Variants in MPP3 observed in about 807,000 individuals in gnomAD.
MPP3 encodes MAGUK p55 scaffold protein 3.
In MPP3, 48 loss-of-function variants were observed where a neutral mutation model predicts 80.7. The observed-to-expected ratio is 0.59, with a 90% confidence interval of 0.47 to 0.76. The LOEUF is 0.76. MPP3 is among the 30% of genes least tolerant of loss of function. The probability of loss-of-function intolerance (pLI) is 0.00; values close to 1 mark genes in which losing one functional copy is unlikely to be tolerated. For missense variants in MPP3, 620 were observed against 763.0 expected (o/e 0.81, Z 2.21); for synonymous variants, 311 against 297.6 (o/e 1.04, Z -0.46).
chr17:43,829,867 T>A lies in MPP3; in HGVS notation c.304-76A>T, dbSNP rs962797975. 76 of 1,603,122 alleles carry A rather than the reference T, an allele frequency of 4.7e-5. 1 individual carries two copies. The Middle Eastern group carries it at 6.6e-4, about 14-fold the overall frequency. ...AGCAGGCCGCAGCTGGCCGGTGGTA[T>A]GGAGGGTGGCAGACGCCATGCCAGA... On this transcript the variant is annotated intron_variant, in intron 6 of 19. Coordinates refer to ENST00000398389, the MANE Select transcript of MPP3 (RefSeq NM_001932.6).
intron 11 of MPP3, 38 bp from the exon 12 acceptor site, chr17:43,818,148 G>A (rs1349282262): frequency 1.4e-6 from 2 of 1,445,268 alleles, no homozygotes; most frequent in Non-Finnish European, 1.8e-6. Context: ...CCCGTGAGCT[G>A]GGCCAGATAA....
chr17:43,806,671 G>A (rs1384890519), intron 19 of MPP3, among the ~76,000 whole-genome samples: 9 of 151,618 alleles, frequency 5.9e-5, no homozygotes, highest in East Asian at 2.0e-4. Context: ...GTGCGATGGC[G>A]CAATCTCGGC....
Position 43,811,195 on chromosome 17 carries a change from C to G in MPP3, c.1266G>C (p.Arg422Ser). 6.2e-7 allele frequency: 1 copy of G among 1,613,738 alleles called. No individual in the cohort carries two copies. The highest frequency in any genetic ancestry group is 8.5e-7 in the Non-Finnish European group (1 of 1,179,688). The change falls in exon 17 of 20, where the codon AGG (arginine) becomes AGC (serine). Residue 422 changes from arginine to serine, a missense_variant. Physicochemically the swap from Arg to Ser is moderately radical, Grantham distance 110. Coordinates refer to ENST00000398389, the MANE Select transcript of MPP3 (RefSeq NM_001932.6). ...HFGVAVPHTT[R>S]PRKSHEKEGV... is the part of the protein sequence containing the mutation. ...CTTCCTTCTCATGGCTCTTTCGGGGCCTGGTGGTATCTTTTAAAGAAAGAA... is the reference window on the plus strand; with the variant it reads ...CTTCCTTCTCATGGCTCTTTCGGGGGCTGGTGGTATCTTTTAAAGAAAGAA...
chr17:43,825,767 T>C lies in MPP3; in HGVS notation c.598A>G (p.Ser200Gly). 6.2e-7 allele frequency: 1 copy of C among 1,611,298 alleles called. No individual in the cohort carries two copies. Among genetic ancestry groups the C allele is most frequent in the Non-Finnish European group, 8.5e-7 (1 of 1,177,360 alleles). Residue 200 changes from serine (S) to glycine (G), a missense_variant, in exon 9 of 20, where the codon AGC becomes GGC. Transcript: ENST00000398389. ...CTTGTAGCACGGACCAGAATCTGGC[T>C]GATCTCGTCGGGCCGCTTGTGCAGG... ...AVLHKRPDEI[S>G]QILAQSQGSI...
chr17:43,818,024 C>T, intron 12 of MPP3, 22 bp downstream of exon 12: 1 of 1,565,676 alleles, frequency 6.4e-7, no homozygotes, highest in Admixed American at 1.9e-5. Context: ...CCCTGGAGTG[C>T]CATCCCTGAC....
chr17:43,820,735 T>G (rs2045410528), intron 11 of MPP3, 127 bp downstream of exon 11: 3 of 779,796 alleles, frequency 3.8e-6, no homozygotes, highest in Admixed American at 2.8e-5. Context: ...GTGCAACTGG[T>G]ACTTACCTTG....
intron 18 of MPP3, among the ~76,000 whole-genome samples, chr17:43,810,136 T>C (rs1030286394): frequency 2.0e-5 from 3 of 152,132 alleles, no homozygotes; most frequent in Non-Finnish European, 4.4e-5. Flanking sequence ...CAAGCAAACT[T>C]CTTTAAAATA....
intron 11 of MPP3, among the ~76,000 whole-genome samples, chr17:43,820,590 CAA>C (rs58538101): frequency 0.096 from 9,336 of 97,686 alleles, 355 homozygotes; most frequent in Non-Finnish European, 0.14. Context: ...GACTCTGTCT[CAA>C]AAAAAAAAAA....
At chr17:43,820,071 G>A (rs937451358) in intron 11 of MPP3, among the ~76,000 whole-genome samples, 24 of 151,964 alleles carry the variant, frequency 1.6e-4, no homozygotes, top group Non-Finnish European at 8.8e-5. Flanking sequence ...CCAGCCTCCC[G>A]AGTAGCTGGG....
chr17:43,821,030 T>C lies in MPP3; in HGVS notation c.713A>G (p.Asn238Ser), dbSNP rs1187451519. Residue 238 changes from asparagine to serine, a missense_variant, in exon 11 of 20, where the codon AAC becomes AGC. Transcript: ENST00000398389. Reference sequence around the variant, plus strand: ...AGGGATGGCCCGGTCCTCCCGAGGGTTGTAGTGGAAGAGGGCGCGCATGAA... The same window carrying C: ...AGGGATGGCCCGGTCCTCCCGAGGGCTGTAGTGGAAGAGGGCGCGCATGAA... ...KVFMRALFHY[N>S]PREDRAIPCQ... The C allele has an allele frequency of 1.9e-6, 3 of 1,613,836 alleles. No individual in the cohort carries two copies. Among genetic ancestry groups the C allele is most frequent in the Non-Finnish European group, 2.5e-6 (3 of 1,179,882 alleles).
At chr17:43,831,502 C>G in intron 4 of MPP3, 57 bp downstream of exon 4, 1 of 1,432,516 alleles carries the variant, frequency 7.0e-7, no homozygotes, top group Non-Finnish European at 9.8e-7. Flanking sequence ...CAGACGGCCA[C>G]AGACAGCTAG....
chr17:43,824,649 C>G (rs1425583953), intron 9 of MPP3, among the ~76,000 whole-genome samples: 1 of 152,194 alleles, frequency 6.6e-6, no homozygotes, highest in Non-Finnish European at 1.5e-5. Flanking sequence ...ACCCAGAAAG[C>G]CCAGACCCTT....
intron 19 of MPP3, among the ~76,000 whole-genome samples, chr17:43,804,801 A>G (rs539159191): frequency 2.0e-5 from 3 of 152,366 alleles, no homozygotes; most frequent in African/African-American, 7.2e-5. Flanking sequence ...TGGATCACCC[A>G]GGTCAGGAGT....
chr17:43,818,232 C>G (rs1245523936), intron 11 of MPP3, 122 bp from the exon 12 acceptor site: 10 of 715,094 alleles, frequency 1.4e-5, no homozygotes, highest in South Asian at 2.7e-5. Context: ...ACACTGGACA[C>G]TCTGAGGGCC....
At chr17:43,818,488 T>C (rs866236294) in intron 11 of MPP3, among the ~76,000 whole-genome samples, 100 of 152,274 alleles carry the variant, frequency 6.6e-4, no homozygotes, top group African/African-American at 2.4e-3. Context: ...AATAGCAGAA[T>C]GACTCCCAGG....
chr17:43,809,156 C>T (rs960780034), intron 18 of MPP3, 78 bp from the exon 19 acceptor site: 17 of 1,437,660 alleles, frequency 1.2e-5, no homozygotes, highest in Non-Finnish European at 1.5e-5. Context: ...GCTCAATAAT[C>T]GTGTGCTTCA....
intron 13 of MPP3, 34 bp from the exon 14 acceptor site, chr17:43,816,113 G>A: frequency 6.6e-7 from 1 of 1,503,808 alleles, no homozygotes; most frequent in Non-Finnish European, 8.8e-7. Context: ...AAGCCAGTGA[G>A]TCCCACCAGA....
chr17:43,825,762 C>A lies in MPP3; in HGVS notation c.603G>T (p.Gln201His). The A allele has an allele frequency of 6.2e-7, 1 of 1,609,934 alleles. No homozygotes were observed. The highest frequency in any genetic ancestry group is 8.5e-7 in the Non-Finnish European group (1 of 1,176,096). The change falls in exon 9 of 20, where the codon CAG (glutamine) becomes CAT (histidine). Residue 201 changes from glutamine to histidine, a missense_variant. Coordinates refer to ENST00000398389, the MANE Select transcript of MPP3 (RefSeq NM_001932.6). ...VLHKRPDEIS[Q>H]ILAQSQGSIT... is the part of the protein sequence containing the mutation. ...GCAGGCTTGTAGCACGGACCAGAATCTGGCTGATCTCGTCGGGCCGCTTGT... is the reference window on the plus strand; with the variant it reads ...GCAGGCTTGTAGCACGGACCAGAATATGGCTGATCTCGTCGGGCCGCTTGT...
intron 19 of MPP3, among the ~76,000 whole-genome samples, chr17:43,805,018 CA>C (rs1038107566): frequency 6.7e-6 from 1 of 148,658 alleles, no homozygotes; most frequent in South Asian, 2.1e-4. Context: ...AACTCTGTCT[CA>C]AAAAAAAAGA....
Sources: allele counts gnomAD v4.1 joint callset (sites outside exome capture counted in the v4.1 genomes callset), GRCh38; gene constraint gnomAD v4.1.1; transcripts MANE v1.5; gene names NCBI Gene and HGNC (gene_info 2026-07-23, HGNC 2026-07-21).